FHIT: variants seen among roughly 807,000 people sequenced by gnomAD.
FHIT encodes fragile histidine triad diadenosine triphosphatase.
A neutral mutation model predicts 17.9 loss-of-function variants in FHIT; 19 were observed. The observed-to-expected ratio is 1.06, with a 90% CI of 0.74 to 1.56. The LOEUF is 1.56. Ranked by LOEUF, FHIT falls within the 40% of genes most tolerant of loss-of-function variation. The pLI is 0.00. For missense variants in FHIT, 248 were observed against 189.2 expected (o/e 1.31, Z -1.82); for synonymous variants, 81 against 69.7 (o/e 1.16, Z -0.81).
intron 3 of FHIT, among the ~76,000 whole-genome samples, chr3:61,020,830 T>C (rs566271702): frequency 2.0e-5 from 3 of 152,106 alleles, no homozygotes; most frequent in South Asian, 2.1e-4. Context: ...AATAAAGGGA[T>C]GGTAGAATAT....
intron 4 of FHIT, among the ~76,000 whole-genome samples, chr3:60,685,069 A>G (rs1347545572): frequency 1.3e-5 from 2 of 152,146 alleles, no homozygotes; most frequent in African/African-American, 2.4e-5. Context: ...ACACCTTATT[A>G]AAGTAACCCT....
intron 5 of FHIT, among the ~76,000 whole-genome samples, chr3:60,446,557 C>T (rs2031345279): frequency 6.6e-6 from 1 of 151,948 alleles, no homozygotes; most frequent in Non-Finnish European, 1.5e-5. Context: ...TAACCTCAGC[C>T]CTAGGAGACT....
intron 5 of FHIT, among the ~76,000 whole-genome samples, chr3:60,099,434 C>T (rs936034456): frequency 6.6e-6 from 1 of 152,094 alleles, no homozygotes; most frequent in African/African-American, 2.4e-5. Flanking sequence ...CCAGGAGGGT[C>T]AAAGAACATT....
intron 2 of FHIT, among the ~76,000 whole-genome samples, chr3:61,178,233 A>G (rs772350983): frequency 2.0e-5 from 3 of 152,066 alleles, no homozygotes; most frequent in Non-Finnish European, 4.4e-5. Flanking sequence ...GAATGAAACC[A>G]TTACTGGACT....
chr3:60,225,390 G>A (rs945182511), intron 5 of FHIT, among the ~76,000 whole-genome samples: 1 of 152,198 alleles, frequency 6.6e-6, no homozygotes, highest in African/African-American at 2.4e-5. Context: ...GATACACCAA[G>A]TGCTGGAGGA....
chr3:60,576,743 C>A (rs1169565441), intron 4 of FHIT, among the ~76,000 whole-genome samples: 4 of 152,050 alleles, frequency 2.6e-5, no homozygotes, highest in Non-Finnish European at 4.4e-5. Flanking sequence ...GTACAATCAG[C>A]CGGGGCAGGG....
chr3:60,278,554 T>A (rs1707281092), intron 5 of FHIT, among the ~76,000 whole-genome samples: 1 of 152,112 alleles, frequency 6.6e-6, no homozygotes, highest in South Asian at 2.1e-4. Context: ...TGATTACAAC[T>A]GAGAGGTGAA....
At chr3:60,236,075 T>C (rs1489824855) in intron 5 of FHIT, among the ~76,000 whole-genome samples, 2 of 152,018 alleles carry the variant, frequency 1.3e-5, no homozygotes, top group Non-Finnish European at 2.9e-5. Flanking sequence ...GTTTGCTGTC[T>C]GCCCAAATGC....
chr3:60,538,074 G>T (rs2036051348), intron 4 of FHIT, among the ~76,000 whole-genome samples: 1 of 152,140 alleles, frequency 6.6e-6, no homozygotes, highest in Non-Finnish European at 1.5e-5. Context: ...GTGTCTAGCA[G>T]CCTCTAAGAG....
intron 4 of FHIT, among the ~76,000 whole-genome samples, chr3:60,781,554 T>G (rs1553725703): frequency 2.0e-5 from 3 of 152,202 alleles, no homozygotes; most frequent in African/African-American, 7.2e-5. Flanking sequence ...TCTTCACTAT[T>G]TTTCAACTTA....
At chr3:60,539,890 T>C (rs1359921763) in intron 4 of FHIT, among the ~76,000 whole-genome samples, 1 of 151,404 alleles carries the variant, frequency 6.6e-6, no homozygotes, top group African/African-American at 2.4e-5. Flanking sequence ...TGTATACATA[T>C]GTAACAAACC....
At chr3:60,159,729 T>A (rs1398730437) in intron 5 of FHIT, among the ~76,000 whole-genome samples, 2 of 152,132 alleles carry the variant, frequency 1.3e-5, no homozygotes, top group East Asian at 3.9e-4. Flanking sequence ...TTATCCCCAG[T>A]TCAAAGCTGA....
intron 2 of FHIT, among the ~76,000 whole-genome samples, chr3:61,178,962 G>C (rs759281341): frequency 6.8e-6 from 1 of 146,198 alleles, no homozygotes; most frequent in Non-Finnish European, 1.5e-5. Flanking sequence ...TCCACCACGT[G>C]ATTTTGTTTG....
intron 1 of FHIT, among the ~76,000 whole-genome samples, chr3:61,212,210 A>C (rs933863600): frequency 5.4e-4 from 82 of 152,358 alleles, no homozygotes; most frequent in African/African-American, 1.9e-3. Flanking sequence ...CTCCGAGCTA[A>C]AGGAGGAAAT....
chr3:60,069,709 G>C (rs899143526), intron 5 of FHIT, among the ~76,000 whole-genome samples: 1 of 152,276 alleles, frequency 6.6e-6, no homozygotes, highest in African/African-American at 2.4e-5. Flanking sequence ...GTGCCATAAA[G>C]AGCATTCCCT....
intron 8 of FHIT, among the ~76,000 whole-genome samples, chr3:59,838,708 C>G (rs1423337274): frequency 6.6e-6 from 1 of 152,186 alleles, no homozygotes; most frequent in African/African-American, 2.4e-5. Context: ...GGTTCCTTAT[C>G]TGAGACTGGA....
At chr3:60,798,847 T>C (rs1173524646) in intron 4 of FHIT, among the ~76,000 whole-genome samples, 4 of 142,204 alleles carry the variant, frequency 2.8e-5, no homozygotes, top group African/African-American at 1.0e-4. Context: ...AACCTCCTCC[T>C]CCCAGGTTCA....
intron 5 of FHIT, among the ~76,000 whole-genome samples, chr3:60,437,529 C>T (rs1227304455): frequency 6.6e-6 from 1 of 152,092 alleles, no homozygotes. Flanking sequence ...GAGTTTACTA[C>T]ATCCTATGCA....
Position 59,747,313 on chromosome 3 carries a change from T to G in FHIT, c.*2272A>C, listed in dbSNP as rs1700660730. ...GGAATGAGGTTTAATGGACTCGCAATCATGGAGGAAGGCAAAAGAGGAGCA... is the reference window on the plus strand; with the variant it reads ...GGAATGAGGTTTAATGGACTCGCAAGCATGGAGGAAGGCAAAAGAGGAGCA... On this transcript the variant is annotated 3_prime_UTR_variant, in exon 10 of 10. Transcript: ENST00000492590. Among the ~76,000 whole-genome samples, 2 of 152,048 alleles carry G rather than the reference T, an allele frequency of 1.3e-5. No homozygotes were observed. The highest frequency in any genetic ancestry group is 4.8e-5 in the African/African-American group (2 of 41,382).
Sources: allele counts gnomAD v4.1 joint callset (sites outside exome capture counted in the v4.1 genomes callset), GRCh38; gene constraint gnomAD v4.1.1; transcripts MANE v1.5; gene names NCBI Gene and HGNC (gene_info 2026-07-23, HGNC 2026-07-21).